Variants in PRKD1 observed in about 807,000 individuals in gnomAD.
The protein encoded by PRKD1 is protein kinase D1.
Under a neutral mutation model 95.9 loss-of-function variants are expected in PRKD1, and 63 were observed. The observed-to-expected ratio is 0.66, with a 90% confidence interval of 0.54 to 0.81. The LOEUF is 0.81. Among genes scored for constraint, PRKD1 ranks in the 30% least tolerant of loss-of-function variants. The probability of loss-of-function intolerance (pLI) is 0.00; values close to 1 mark genes in which losing one functional copy is unlikely to be tolerated. For missense variants in PRKD1, 1,048 were observed against 1,165.3 expected, an observed-to-expected ratio of 0.90 and a Z score of 1.47; for synonymous variants, 425 against 423.1, an observed-to-expected ratio of 1.00 and a Z score of -0.05.
At chr14:29,919,992 G>GAGAGAGAGAGA (rs200608178) in intron 1 of PRKD1, among the ~76,000 whole-genome samples, 19 of 146,454 alleles carry the variant, frequency 1.3e-4, no homozygotes, top group African/African-American at 4.3e-4. Flanking sequence ...GAGAAAGAGA[G>GAGAGAGAGAGA]GAAGGAAGGT....
At chr14:29,592,522 TGTA>T in intron 16 of PRKD1, among the ~76,000 whole-genome samples, 1 of 152,290 alleles carries the variant, frequency 6.6e-6, no homozygotes, top group Admixed American at 6.5e-5. Flanking sequence ...TATACACAAT[TGTA>T]GTTTTATATA....
chr14:29,764,063 G>A (rs1225689157), intron 1 of PRKD1, among the ~76,000 whole-genome samples: 1 of 151,960 alleles, frequency 6.6e-6, no homozygotes, highest in Non-Finnish European at 1.5e-5. Context: ...AATAATACTT[G>A]AATCATTCTG....
intron 1 of PRKD1, among the ~76,000 whole-genome samples, chr14:29,766,571 C>T (rs1353007695): frequency 6.6e-6 from 1 of 152,174 alleles, no homozygotes; most frequent in African/African-American, 2.4e-5. Flanking sequence ...GGTCACATAA[C>T]TGTTCTCAAC....
chr14:29,774,543 T>C (rs1284120286), intron 1 of PRKD1, among the ~76,000 whole-genome samples: 1 of 152,148 alleles, frequency 6.6e-6, no homozygotes, highest in Non-Finnish European at 1.5e-5. Flanking sequence ...TTAGGTACCA[T>C]TGCAGGTGGA....
chr14:29,926,334 T>C (rs1312899904), intron 1 of PRKD1, among the ~76,000 whole-genome samples: 1 of 152,196 alleles, frequency 6.6e-6, no homozygotes, highest in Non-Finnish European at 1.5e-5. Flanking sequence ...CTGTTTACAC[T>C]AAGAAGACTG....
intron 1 of PRKD1, among the ~76,000 whole-genome samples, chr14:29,792,923 G>A (rs1889610532): frequency 6.6e-6 from 1 of 152,014 alleles, no homozygotes; most frequent in African/African-American, 2.4e-5. Context: ...AATGTTTGCT[G>A]GATCAAAGGG....
intron 1 of PRKD1, among the ~76,000 whole-genome samples, chr14:29,764,095 G>T (rs947329098): frequency 2.0e-5 from 3 of 152,014 alleles, no homozygotes; most frequent in African/African-American, 4.8e-5. Context: ...CACCTGGGGA[G>T]AATTTTAAAA....
intron 3 of PRKD1, among the ~76,000 whole-genome samples, chr14:29,665,494 TC>T (rs1310139660): frequency 3.3e-5 from 5 of 152,184 alleles, no homozygotes; most frequent in African/African-American, 9.6e-5. Context: ...TGGCTTTTGT[TC>T]CTGAGTTACT....
intron 1 of PRKD1, among the ~76,000 whole-genome samples, chr14:29,920,418 A>G (rs1895060104): frequency 6.6e-6 from 1 of 152,194 alleles, no homozygotes; most frequent in South Asian, 2.1e-4. Context: ...ACATAAATCA[A>G]AGCAAACAAA....
At chr14:29,906,880 G>C (rs915842252) in intron 1 of PRKD1, among the ~76,000 whole-genome samples, 2 of 152,164 alleles carry the variant, frequency 1.3e-5, no homozygotes, top group African/African-American at 2.4e-5. Flanking sequence ...TTTCTCCAAA[G>C]ACTTTATTGT....
At chr14:29,776,282 A>G (rs891165154) in intron 1 of PRKD1, among the ~76,000 whole-genome samples, 1 of 152,234 alleles carries the variant, frequency 6.6e-6, no homozygotes, top group Non-Finnish European at 1.5e-5. Flanking sequence ...GCAACTGAAC[A>G]AAGCTGGACG....
intron 17 of PRKD1, 30 bp from the exon 18 acceptor site, chr14:29,577,486 A>G (rs1892597808): frequency 6.3e-7 from 1 of 1,581,336 alleles, no homozygotes; most frequent in African/African-American, 1.3e-5. Context: ...ATATTACCAT[A>G]GAGATCATTA....
chr14:29,609,296 C>T (rs1878251166), intron 13 of PRKD1, among the ~76,000 whole-genome samples: 1 of 151,904 alleles, frequency 6.6e-6, no homozygotes, highest in Admixed American at 6.6e-5. Context: ...TATATTGTGC[C>T]CTCATATCAA....
intron 1 of PRKD1, among the ~76,000 whole-genome samples, chr14:29,848,136 C>T (rs1425205066): frequency 2.0e-5 from 3 of 152,152 alleles, no homozygotes; most frequent in Non-Finnish European, 4.4e-5. Flanking sequence ...GCAGGCAGCT[C>T]TTCTTGTGTT....
At chr14:29,878,719 C>T (rs1893394230) in intron 1 of PRKD1, among the ~76,000 whole-genome samples, 1 of 151,944 alleles carries the variant, frequency 6.6e-6, no homozygotes, top group African/African-American at 2.4e-5. Context: ...TTCATGGAGA[C>T]AGAAAGAAGG....
At chr14:29,647,016 T>C (rs1413171028) in intron 4 of PRKD1, among the ~76,000 whole-genome samples, 1 of 152,032 alleles carries the variant, frequency 6.6e-6, no homozygotes, top group Non-Finnish European at 1.5e-5. Flanking sequence ...ATATCCTAAA[T>C]ATATAGCATA....
chr14:29,603,074 G>T (rs1300283002), intron 13 of PRKD1, among the ~76,000 whole-genome samples: 1 of 152,164 alleles, frequency 6.6e-6, no homozygotes, highest in East Asian at 1.9e-4. Context: ...CATGTTCAAT[G>T]AAAGCATCAG....
chr14:29,879,842 C>A (rs1040679603), intron 1 of PRKD1, among the ~76,000 whole-genome samples: 2 of 152,124 alleles, frequency 1.3e-5, no homozygotes, highest in African/African-American at 4.8e-5. Context: ...AAGACACTGG[C>A]AGCATTTCGC....
At chr14:29,875,289 G>A (rs1164868109) in intron 1 of PRKD1, among the ~76,000 whole-genome samples, 1 of 152,052 alleles carries the variant, frequency 6.6e-6, no homozygotes, top group Non-Finnish European at 1.5e-5. Context: ...AAGTCTTACT[G>A]TTAAGGTCCA....
Sources: allele counts gnomAD v4.1 joint callset (sites outside exome capture counted in the v4.1 genomes callset), GRCh38; gene constraint gnomAD v4.1.1; transcripts MANE v1.5; gene names NCBI Gene and HGNC (gene_info 2026-07-23, HGNC 2026-07-21).